Variants in GUCY1A2 observed in about 807,000 individuals in gnomAD.
GUCY1A2 encodes guanylate cyclase 1 soluble subunit alpha 2.
In GUCY1A2, 27 loss-of-function variants were observed where a neutral mutation model predicts 63.5. The observed-to-expected ratio is 0.43, with a 90% CI of 0.31 to 0.59. The LOEUF (loss-of-function observed/expected upper bound fraction) is 0.59. Ranked by LOEUF, GUCY1A2 falls within the 20% of genes least tolerant of loss-of-function variation. The pLI, the probability that GUCY1A2 is intolerant of heterozygous loss-of-function variation, is 0.11. For synonymous variants in GUCY1A2, 364 were observed against 343.5 expected, an observed-to-expected ratio of 1.06 and a Z score of -0.66; for missense variants, 768 against 913.3, an observed-to-expected ratio of 0.84 and a Z score of 2.05.
intron 5 of GUCY1A2, among the ~76,000 whole-genome samples, chr11:106,779,729 G>A (rs562752129): frequency 6.6e-6 from 1 of 152,274 alleles, no homozygotes; most frequent in South Asian, 2.1e-4. Flanking sequence ...AGATTAGTTA[G>A]TTATATGTTG....
intron 4 of GUCY1A2, among the ~76,000 whole-genome samples, chr11:106,846,848 G>A (rs919601703): frequency 4.0e-5 from 6 of 151,472 alleles, no homozygotes; most frequent in African/African-American, 1.2e-4. Context: ...CAATAGTAAG[G>A]TAGAAATGGC....
At chr11:107,007,909 G>A (rs2120200065) in intron 1 of GUCY1A2, among the ~76,000 whole-genome samples, 1 of 143,098 alleles carries the variant, frequency 7.0e-6, no homozygotes, top group East Asian at 3.5e-4. Flanking sequence ...ATTTCTTTAG[G>A]AGATAATATA....
chr11:106,940,797 T>C (rs1049034203), intron 3 of GUCY1A2, among the ~76,000 whole-genome samples: 7 of 152,216 alleles, frequency 4.6e-5, no homozygotes, highest in African/African-American at 1.4e-4. Context: ...CACCTTTCAA[T>C]AGCCTTGCAG....
intron 4 of GUCY1A2, among the ~76,000 whole-genome samples, chr11:106,855,477 C>G (rs528589640): frequency 6.6e-6 from 1 of 151,594 alleles, no homozygotes; most frequent in South Asian, 2.1e-4. Context: ...TGTTTTGGTC[C>G]TTTTTTTTGT....
intron 4 of GUCY1A2, among the ~76,000 whole-genome samples, chr11:106,908,200 T>G (rs1477046566): frequency 6.6e-6 from 1 of 152,024 alleles, no homozygotes; most frequent in African/African-American, 2.4e-5. Context: ...ACGTAGATAT[T>G]ATCAATTTTA....
At chr11:106,873,779 C>T (rs1179227733) in intron 4 of GUCY1A2, among the ~76,000 whole-genome samples, 1 of 152,096 alleles carries the variant, frequency 6.6e-6, no homozygotes, top group African/African-American at 2.4e-5. Context: ...TTAATTAGAT[C>T]CCATTTGTCA....
chr11:106,820,253 CATTT>C (rs1215114150), intron 4 of GUCY1A2, among the ~76,000 whole-genome samples: 2 of 151,954 alleles, frequency 1.3e-5, no homozygotes, highest in Admixed American at 6.6e-5. Flanking sequence ...TTATAATAAC[CATTT>C]ATTTGTTTTA....
rs117024069 is a variant in GUCY1A2 at position 106,791,841 on chromosome 11, A to G, written c.1693-15259T>C. On this transcript the variant is annotated intron_variant, in intron 5 of 7. Coordinates refer to ENST00000526355, the MANE Select transcript of GUCY1A2 (RefSeq NM_000855.3). ...AACACCAATAAAATTTGGTTTTTATATATCTTATACTAAACTCATTTACGT... is the reference window on the plus strand; with the variant it reads ...AACACCAATAAAATTTGGTTTTTATGTATCTTATACTAAACTCATTTACGT... 7.4e-3 allele frequency among the ~76,000 whole-genome samples: 1,134 copies of G among 152,216 alleles called. 9 individuals carry two copies. The highest frequency in any genetic ancestry group is 0.017 in the Middle Eastern group (5 of 294).
At chr11:106,780,260 C>CA (rs764352630) in intron 5 of GUCY1A2, among the ~76,000 whole-genome samples, 1 of 151,654 alleles carries the variant, frequency 6.6e-6, no homozygotes, top group Non-Finnish European at 1.5e-5. Flanking sequence ...ACACAGACAT[C>CA]AAAAAAACAG....
intron 4 of GUCY1A2, among the ~76,000 whole-genome samples, chr11:106,889,757 T>C (rs900789486): frequency 2.3e-4 from 35 of 152,186 alleles, no homozygotes; most frequent in African/African-American, 7.7e-4. Flanking sequence ...CATATGGCTT[T>C]ACATACCTGC....
In GUCY1A2 at chr11:106,683,427, G is replaced by T. The variant is rs1862464836; in HGVS notation, c.*4122C>A. 1 of 225,832 alleles carries T rather than the reference G, an allele frequency of 4.4e-6. No homozygotes were observed. The highest frequency in any genetic ancestry group is 8.8e-6 in the Non-Finnish European group (1 of 113,298). The allele number at this position is 225,832 out of a possible 1,614,324, so 14.0% of individuals were successfully genotyped here. ...TGTATGAAGTGCTTGGAGTCAGACT[G>T]TGTTTTGAAGAAAGAGCAGAGGGTG... On this transcript the variant is annotated 3_prime_UTR_variant, in exon 8 of 8. Coordinates refer to ENST00000526355, the MANE Select transcript of GUCY1A2 (RefSeq NM_000855.3).
At chr11:106,785,565 A>G (rs1335886976) in intron 5 of GUCY1A2, among the ~76,000 whole-genome samples, 1 of 151,886 alleles carries the variant, frequency 6.6e-6, no homozygotes, top group African/African-American at 2.4e-5. Context: ...TGAGTACAGT[A>G]TCAGGATGCC....
At chr11:106,954,475 G>A (rs1366834636) in intron 3 of GUCY1A2, among the ~76,000 whole-genome samples, 2 of 152,172 alleles carry the variant, frequency 1.3e-5, no homozygotes, top group East Asian at 1.9e-4. Flanking sequence ...GGAGAAGGAC[G>A]TATATTCTGT....
At position 106,985,959 on chromosome 11, in the gene GUCY1A2, A is replaced by G. The variant is rs1353842171; in HGVS notation, c.365+111T>C. 8 of 710,462 alleles carry G rather than the reference A, an allele frequency of 1.1e-5. No individual in the cohort carries two copies. In the East Asian group the frequency reaches 2.0e-4, roughly 18 times the overall value. The allele number at this position is 710,462 out of a possible 1,614,324, so 44.0% of individuals were successfully genotyped here. A position where few individuals can be genotyped will look rare whatever the true frequency, so the allele number is the denominator to read the frequency against. ...CGCCCCACACTATGAAAACATAGCC[A>G]CTATAAAATCAGGTTGACCTGGGTA... On this transcript the variant is annotated intron_variant, in intron 2 of 7. Coordinates refer to ENST00000526355, the MANE Select transcript of GUCY1A2 (RefSeq NM_000855.3).
chr11:106,805,600 C>G (rs757762253), intron 5 of GUCY1A2, among the ~76,000 whole-genome samples: 1 of 152,132 alleles, frequency 6.6e-6, no homozygotes, highest in South Asian at 2.1e-4. Flanking sequence ...ACCAGATCAA[C>G]TTTTATTCCA....
Position 106,684,361 on chromosome 11 carries a change from C to T in GUCY1A2, c.*3188G>A. The T allele has an allele frequency of 5.2e-6, 1 of 190,888 alleles. No individual in the cohort carries two copies. The highest frequency in any genetic ancestry group is 1.1e-5 in the Non-Finnish European group (1 of 91,034). 11.8% of individuals were successfully genotyped at this position (190,888 alleles called of 1,614,324 possible). ...TGTACGCAATTGGGTCCCATGTTACCTGGAAGCTATGTCTTCTTCCCCTTC... is the reference window on the plus strand; with the variant it reads ...TGTACGCAATTGGGTCCCATGTTACTTGGAAGCTATGTCTTCTTCCCCTTC... On this transcript the variant is annotated 3_prime_UTR_variant, in exon 8 of 8. Transcript: ENST00000526355.
At chr11:106,745,387 G>C (rs1283803522) in intron 6 of GUCY1A2, among the ~76,000 whole-genome samples, 1 of 152,188 alleles carries the variant, frequency 6.6e-6, no homozygotes, top group Non-Finnish European at 1.5e-5. Context: ...TTAAAAAACA[G>C]TGAAATTTAT....
intron 4 of GUCY1A2, among the ~76,000 whole-genome samples, chr11:106,811,834 G>A (rs1005192838): frequency 2.0e-5 from 3 of 151,926 alleles, no homozygotes; most frequent in Admixed American, 2.0e-4. Flanking sequence ...TACTAGTAAT[G>A]CTCTGCTCTG....
At chr11:106,866,875 T>G (rs1859601425) in intron 4 of GUCY1A2, among the ~76,000 whole-genome samples, 1 of 152,040 alleles carries the variant, frequency 6.6e-6, no homozygotes, top group Non-Finnish European at 1.5e-5. Flanking sequence ...ATGTTGCCAT[T>G]AGTTGATACT....
Sources: allele counts gnomAD v4.1 joint callset (sites outside exome capture counted in the v4.1 genomes callset), GRCh38; gene constraint gnomAD v4.1.1; transcripts MANE v1.5; gene names NCBI Gene and HGNC (gene_info 2026-07-23, HGNC 2026-07-21).